The following MALT1 variants were observed in gnomAD, a reference collection of about 807,000 sequenced individuals.
The protein encoded by MALT1 is MALT1 paracaspase.
A neutral mutation model predicts 85.5 loss-of-function variants in MALT1; 36 were observed. The observed-to-expected ratio is 0.42, with a 90% CI of 0.32 to 0.56. The LOEUF (loss-of-function observed/expected upper bound fraction) is 0.56. Ranked by LOEUF, MALT1 falls within the 20% of genes least tolerant of loss-of-function variation. MALT1 has a pLI of 0.10. For missense variants in MALT1, 716 were observed against 981.6 expected, an observed-to-expected ratio of 0.73 and a Z score of 3.62; for synonymous variants, 359 against 361.3, an observed-to-expected ratio of 0.99 and a Z score of 0.07.
intron 3 of MALT1, among the ~76,000 whole-genome samples, chr18:58,698,903 C>T (rs944211581): frequency 3.3e-5 from 5 of 152,162 alleles, no homozygotes; most frequent in Non-Finnish European, 7.3e-5. Context: ...ACCGTAAAGT[C>T]CCCAAAGAGA....
rs751434443 is a variant in MALT1, at chr18:58,727,616, G to GTTTTTTT, written c.1222+4370_1222+4376dup. On this transcript the variant is annotated intron_variant, in intron 10 of 16. Transcript: ENST00000649217. ...ACCCAGCCTGCCAAAGGTTTTTTGT[G>GTTTTTTT]TTTTTTTTTTTGTTTTTTTTTTTTT... Among the ~76,000 whole-genome samples, 44 of 121,240 alleles carry GTTTTTTT rather than the reference G, an allele frequency of 3.6e-4. 1 individual carries two copies. Among genetic ancestry groups the GTTTTTTT allele is most frequent in the East Asian group, 1.2e-3 (5 of 4,148 alleles). 79.5% of individuals were successfully genotyped at this position (121,240 alleles called of 152,430 possible).
At chr18:58,700,754 T>C (rs907399910) in intron 4 of MALT1, among the ~76,000 whole-genome samples, 163 bp downstream of exon 4, 9 of 152,120 alleles carry the variant, frequency 5.9e-5, no homozygotes, top group African/African-American at 2.2e-4. Context: ...ATTTGATCCA[T>C]GTGTTTTGTC....
rs775787452 is a variant in MALT1 at position 58,744,504 on chromosome 18, CTTCTT to C, written c.1911+12_1911+16del. 13 of 1,582,658 alleles carry C rather than the reference CTTCTT, an allele frequency of 8.2e-6. No homozygotes were observed. The highest frequency in any genetic ancestry group is 4.1e-5 in the African/African-American group (3 of 73,620). ...TTACTGATTTTCCACTTGTGAGTCTCTTCTTTTATTTAAAATACAGTGATATATTC... is the reference window on the plus strand; with the variant it reads ...TTACTGATTTTCCACTTGTGAGTCTCTTATTTAAAATACAGTGATATATTC... On this transcript the variant is annotated intron_variant, in intron 15 of 16. Coordinates refer to ENST00000649217, the MANE Select transcript of MALT1 (RefSeq NM_006785.4).
intron 14 of MALT1, among the ~76,000 whole-genome samples, chr18:58,742,276 G>A (rs1456545289): frequency 6.6e-6 from 1 of 152,010 alleles, no homozygotes; most frequent in Non-Finnish European, 1.5e-5. Context: ...TTTTAAAATA[G>A]GTTAAGTTTC....
intron 15 of MALT1, 92 bp from the exon 16 acceptor site, chr18:58,745,571 AGAG>A: frequency 9.2e-7 from 1 of 1,092,526 alleles, no homozygotes; most frequent in Non-Finnish European, 1.3e-6. Context: ...AGAATTCACG[AGAG>A]GATAGTATCA....
In MALT1 at chr18:58,710,867, C is replaced by T. The variant is rs1039899217; in HGVS notation, c.926-54C>T. The T allele has an allele frequency of 4.9e-6, 6 of 1,232,964 alleles. No individual in the cohort carries two copies. The African/African-American group carries it at 9.1e-5, about 19-fold the overall frequency. The allele number at this position is 1,232,964 out of a possible 1,614,324, so 76.4% of individuals were successfully genotyped here. A position where few individuals can be genotyped will look rare whatever the true frequency, so the allele number is the denominator to read the frequency against. On this transcript the variant is annotated intron_variant, in intron 6 of 16. Coordinates refer to ENST00000649217, the MANE Select transcript of MALT1 (RefSeq NM_006785.4). Reference sequence around the variant, plus strand: ...TGATCTCTATTTGCTTGACGGCTGCCCTTCTTAAGATCATGAATTACAATA... The same window carrying T: ...TGATCTCTATTTGCTTGACGGCTGCTCTTCTTAAGATCATGAATTACAATA...
At chr18:58,731,549 CG>C (rs1215458954) in intron 10 of MALT1, among the ~76,000 whole-genome samples, 8 of 152,168 alleles carry the variant, frequency 5.3e-5, no homozygotes, top group Non-Finnish European at 1.2e-4. Context: ...AGGTCCAATC[CG>C]TGTTTATTTC....
chr18:58,690,377 A>C (rs1178667398), intron 2 of MALT1: 1 of 153,322 alleles, frequency 6.5e-6, no homozygotes, highest in Non-Finnish European at 1.5e-5. Context: ...TGGTGCCGCT[A>C]GGCAGGCACT....
intron 2 of MALT1, among the ~76,000 whole-genome samples, chr18:58,690,111 G>C (rs1465972656): frequency 1.3e-5 from 2 of 152,252 alleles, no homozygotes; most frequent in African/African-American, 4.8e-5. Context: ...CATGTGTCTA[G>C]CAAGTCTGTC....
chr18:58,695,522 C>A (rs2144349496), intron 2 of MALT1, among the ~76,000 whole-genome samples: 1 of 152,336 alleles, frequency 6.6e-6, no homozygotes, highest in African/African-American at 2.4e-5. Flanking sequence ...CTTCCAAAAT[C>A]ATTTTCATTT....
intron 16 of MALT1, 122 bp downstream of exon 16, chr18:58,745,913 G>A (rs111439897): frequency 1.2e-6 from 1 of 820,360 alleles, no homozygotes. Flanking sequence ...TCTACAGAAG[G>A]TCCTATCAGT....
intron 2 of MALT1, among the ~76,000 whole-genome samples, chr18:58,692,418 C>T (rs1053298931): frequency 1.1e-4 from 12 of 111,112 alleles, no homozygotes; most frequent in African/African-American, 4.5e-4. Flanking sequence ...CTCTCTCTCT[C>T]TCTCTCTCTC....
rs2054165488 is a variant in MALT1 at position 58,671,794 on chromosome 18, G to A, written c.151G>A (p.Gly51Ser). 8 of 1,250,662 alleles carry A rather than the reference G, an allele frequency of 6.4e-6. No homozygotes were observed. The highest frequency in any genetic ancestry group is 3.1e-5 in the South Asian group (1 of 32,596). 77.5% of individuals were successfully genotyped at this position (1,250,662 alleles called of 1,614,324 possible). A position where few individuals can be genotyped will look rare whatever the true frequency, so the allele number is the denominator to read the frequency against. ...LSELLDQAPE[G>S]RGWRRLAELA... ...CGAGCTCCTGGATCAGGCGCCCGAG[G>A]GCCGGGGCTGGAGGAGACTGGCGGA... is the stretch of plus-strand genomic sequence containing the variant. Residue 51 changes from glycine to serine, a missense_variant, in exon 1 of 17, where the codon GGC (glycine) becomes AGC (serine). Gly to Ser is a moderately conservative substitution (Grantham distance 56). Around this residue, in one of 4 missense-constraint regions of MALT1, gnomAD observed 290 missense variants for 380.5 expected, o/e 0.76. Coordinates refer to ENST00000649217, the MANE Select transcript of MALT1 (RefSeq NM_006785.4).
At chr18:58,721,763 C>T (rs1227678512) in intron 9 of MALT1, among the ~76,000 whole-genome samples, 3 of 152,176 alleles carry the variant, frequency 2.0e-5, no homozygotes, top group South Asian at 2.1e-4. Flanking sequence ...ATATTGTAGA[C>T]GTCGAGTCAG....
At chr18:58,719,577 T>C (rs2054954989) in intron 9 of MALT1, among the ~76,000 whole-genome samples, 1 of 152,144 alleles carries the variant, frequency 6.6e-6, no homozygotes. Context: ...GGGTCACACA[T>C]ATTATGTTGC....
Position 58,747,295 on chromosome 18 carries a change from A to G in MALT1, c.2038-110A>G, listed in dbSNP as rs111603505. On this transcript the variant is annotated intron_variant, in intron 16 of 16. Coordinates refer to ENST00000649217, the MANE Select transcript of MALT1 (RefSeq NM_006785.4). The stretch of plus-strand genomic sequence containing the variant: ...GCCTTGAGGATTTGGAACCTGGGAA[A>G]GGAGAGTGAGTGGATTTTTGGGGGT... 4.4e-5 allele frequency: 30 copies of G among 689,632 alleles called. 1 individual carries two copies. Among genetic ancestry groups the G allele is most frequent in the African/African-American group, 3.2e-4 (18 of 56,434 alleles). 42.7% of individuals were successfully genotyped at this position (689,632 alleles called of 1,614,324 possible).
chr18:58,738,805 G>C, intron 13 of MALT1, among the ~76,000 whole-genome samples: 1 of 151,982 alleles, frequency 6.6e-6, no homozygotes, highest in East Asian at 1.9e-4. Context: ...GTGTGTGTGT[G>C]TGTGTGTTTT....
At chr18:58,700,394 G>A (rs770850882) in intron 3 of MALT1, 47 bp from the exon 4 acceptor site, 5 of 1,419,740 alleles carry the variant, frequency 3.5e-6, no homozygotes, top group African/African-American at 1.5e-5. Context: ...ATTTTATAAG[G>A]TGTGTTTTTG....
At chr18:58,691,348 C>T in intron 2 of MALT1, 1 of 853,490 alleles carries the variant, frequency 1.2e-6, no homozygotes, top group South Asian at 1.3e-5. Context: ...ATCCTGTTTG[C>T]TTTTGGCATT....
Sources: allele counts gnomAD v4.1 joint callset (sites outside exome capture counted in the v4.1 genomes callset), GRCh38; gene constraint gnomAD v4.1.1; regional missense constraint gnomAD v4.1.1; transcripts MANE v1.5; gene names NCBI Gene and HGNC (gene_info 2026-07-23, HGNC 2026-07-21).